SELP: variants seen among roughly 807,000 people sequenced by gnomAD.
The protein encoded by SELP is selectin P.
In SELP, 92 loss-of-function variants were observed where a neutral mutation model predicts 104.1. The ratio of observed to expected loss-of-function variants is 0.88; its 90% CI spans 0.75 to 1.05. The LOEUF (loss-of-function observed/expected upper bound fraction) is 1.05. Ranked by LOEUF, SELP falls within the 50% of genes least tolerant of loss-of-function variation. The pLI is 0.00. For synonymous variants in SELP, 397 were observed against 364.5 expected, an observed-to-expected ratio of 1.09 and a Z score of -1.01; for missense variants, 1,022 against 1,017.3, an observed-to-expected ratio of 1.00 and a Z score of -0.06.
intron 2 of SELP, among the ~76,000 whole-genome samples, chr1:169,618,909 C>G (rs3917864): frequency 4.5e-3 from 678 of 152,292 alleles, no homozygotes; most frequent in Non-Finnish European, 6.7e-3. Context: ...TCTACTGTGC[C>G]TAATGGATAC....
Position 169,630,078 on chromosome 1 carries a change from C to A in SELP, c.-4G>T. ...CAGAAAAAAATAAACTCACCATCTCCTCTGTGACTCTGCTGGTTTTCTGCC... is the reference window on the plus strand; with the variant it reads ...CAGAAAAAAATAAACTCACCATCTCATCTGTGACTCTGCTGGTTTTCTGCC... On this transcript the variant is annotated 5_prime_UTR_variant, in exon 1 of 17. In the 5' UTR this introduces an upstream ATG that the reference lacks. Coordinates refer to ENST00000263686, the MANE Select transcript of SELP (RefSeq NM_003005.4). 1 of 1,614,198 alleles carries A rather than the reference C, an allele frequency of 6.2e-7. No homozygotes were observed. Among genetic ancestry groups the A allele is most frequent in the Non-Finnish European group, 8.5e-7 (1 of 1,180,004 alleles).
chr1:169,621,159 G>T (rs1205733511), intron 1 of SELP, among the ~76,000 whole-genome samples: 1 of 147,326 alleles, frequency 6.8e-6, no homozygotes, highest in Non-Finnish European at 1.5e-5. Flanking sequence ...ATGGGACTGT[G>T]TGGGGTTGTG....
rs1204727196 is a variant in SELP at position 169,617,201 on chromosome 1, C to T, written c.308G>A (p.Trp103Ter). 1 of 1,614,128 alleles carries T rather than the reference C, an allele frequency of 6.2e-7. No individual in the cohort carries two copies. Among genetic ancestry groups the T allele is most frequent in the South Asian group, 1.1e-5 (1 of 91,076 alleles). The change falls in exon 3 of 17, where the codon TGG becomes TAG. Residue 103 changes from tryptophan (W) to a stop codon, truncating the protein, a stop_gained. Coordinates refer to ENST00000263686, the MANE Select transcript of SELP (RefSeq NM_003005.4). LOFTEE classifies it high-confidence loss of function. ...GIRKNNKTWT[W>*]VGTKKALTNE... is the part of the protein sequence containing the mutation. ...GGTGAGAGCCTTTTTGGTTCCCACC[C>T]ATGTCCATGTCTTATTGTTCTTTCG...
At chr1:169,614,932 T>C (rs1410774688) in intron 3 of SELP, among the ~76,000 whole-genome samples, 1 of 152,186 alleles carries the variant, frequency 6.6e-6, no homozygotes, top group East Asian at 1.9e-4. Flanking sequence ...TAGCAACCCC[T>C]GCCTGCCCTA....
intron 5 of SELP, 41 bp from the exon 6 acceptor site, chr1:169,612,443 A>G: frequency 6.3e-7 from 1 of 1,599,488 alleles, no homozygotes; most frequent in Non-Finnish European, 8.6e-7. Context: ...TCCTTGGACA[A>G]ATTTTGTCCA....
intron 9 of SELP, among the ~76,000 whole-genome samples, chr1:169,606,332 A>G (rs1364591076): frequency 3.3e-5 from 5 of 152,232 alleles, no homozygotes; most frequent in Non-Finnish European, 5.9e-5. Flanking sequence ...ATGTATGTAT[A>G]TCAAGTACAA....
chr1:169,609,777 G>T, intron 7 of SELP, 88 bp from the exon 8 acceptor site: 1 of 1,255,422 alleles, frequency 8.0e-7, no homozygotes, highest in Non-Finnish European at 1.1e-6. Context: ...TATCTTTCCT[G>T]TCCACATTTT....
At chr1:169,599,989 A>G (rs1661818278) in intron 10 of SELP, among the ~76,000 whole-genome samples, 1 of 152,212 alleles carries the variant, frequency 6.6e-6, no homozygotes, top group South Asian at 2.1e-4. Flanking sequence ...AGCAGTCTGT[A>G]TCATGAAAGT....
Position 169,606,951 on chromosome 1 carries a change from T to C in SELP, c.1517A>G (p.Gln506Arg). Residue 506 changes from glutamine (Q) to arginine (R), a missense_variant and splice_region_variant, in exon 9 of 17, where the codon CAA (glutamine) becomes CGA (arginine). Transcript: ENST00000263686. ...TGTTAGAAAGAATACACTCTTACCT[T>C]GGCATTCTGGAGGAACAGAATTCCA... ...GNWNSVPPEC[Q>R]AIPCTPLLSP... 1 of 1,612,744 alleles carries C rather than the reference T, an allele frequency of 6.2e-7. No individual in the cohort carries two copies. The highest frequency in any genetic ancestry group is 1.1e-5 in the South Asian group (1 of 90,934).
rs6129 is a variant in SELP, at chr1:169,617,092, C to T, written c.417G>A (p.Pro139=). 0.01 allele frequency: 16,831 copies of T among 1,613,744 alleles called. 225 individuals carry two copies. Among genetic ancestry groups the T allele is most frequent in the African/African-American group, 0.067 (5,004 of 74,896 alleles). Reference sequence around the variant, plus strand: ...CATCATTCCACTTGCCAGGGGCTGACGGACTCTTGATGTATATCTCCACGC... The same window carrying T: ...CATCATTCCACTTGCCAGGGGCTGATGGACTCTTGATGTATATCTCCACGC... The part of the protein sequence containing the change: ...EDCVEIYIKS[P]SAPGKWNDEH... The change falls in exon 3 of 17, where the codon CCG becomes CCA. Residue 139 remains proline (P), a synonymous_variant. Coordinates refer to ENST00000263686, the MANE Select transcript of SELP (RefSeq NM_003005.4).
At chr1:169,598,384 C>A (rs1661734878) in intron 10 of SELP, among the ~76,000 whole-genome samples, 1 of 152,140 alleles carries the variant, frequency 6.6e-6, no homozygotes, top group African/African-American at 2.4e-5. Flanking sequence ...CCTATATGCT[C>A]CCTCATGGAA....
At chr1:169,617,448 C>T in intron 2 of SELP, 34 bp from the exon 3 acceptor site, 3 of 1,589,660 alleles carry the variant, frequency 1.9e-6, no homozygotes, top group Non-Finnish European at 8.6e-7. Flanking sequence ...CAGGTTAGTA[C>T]CCCTCACCAA....
At chr1:169,619,330 T>A in intron 1 of SELP, 111 bp from the exon 2 acceptor site, 2 of 782,494 alleles carry the variant, frequency 2.6e-6, no homozygotes, top group Non-Finnish European at 4.2e-6. Context: ...CAATTTCCAC[T>A]GGAAGAGTGG....
chr1:169,627,258 A>G (rs918573743), intron 1 of SELP, among the ~76,000 whole-genome samples: 2 of 152,234 alleles, frequency 1.3e-5, no homozygotes, highest in Non-Finnish European at 2.9e-5. Context: ...AGATATTGGT[A>G]GCCCAGCTTA....
At chr1:169,612,109 AT>A in intron 6 of SELP, 107 bp downstream of exon 6, 1 of 1,098,942 alleles carries the variant, frequency 9.1e-7, no homozygotes, top group Non-Finnish European at 1.3e-6. Flanking sequence ...AGAGAATTAA[AT>A]TTTGGCAATT....
At chr1:169,619,753 T>A (rs540639352) in intron 1 of SELP, among the ~76,000 whole-genome samples, 1 of 152,300 alleles carries the variant, frequency 6.6e-6, no homozygotes, top group East Asian at 1.9e-4. Context: ...TCTGTACACA[T>A]CTACAATACT....
At chr1:169,590,324 A>G (rs1217987378) in intron 15 of SELP, 122 bp from the exon 16 acceptor site, 2 of 725,014 alleles carry the variant, frequency 2.8e-6, no homozygotes, top group East Asian at 2.7e-5. Flanking sequence ...TGCTTTAGAA[A>G]GGAAAGAAAA....
Position 169,594,798 on chromosome 1 carries a change from T to C in SELP, c.2181A>G (p.Gly727=), listed in dbSNP as rs1661520177. 1 of 1,613,762 alleles carries C rather than the reference T, an allele frequency of 6.2e-7. No individual in the cohort carries two copies. The highest frequency in any genetic ancestry group is 8.5e-7 in the Non-Finnish European group (1 of 1,179,854). The change falls in exon 13 of 17, where the codon GGA becomes GGG. Residue 727 remains glycine (G), a synonymous_variant. Coordinates refer to ENST00000263686, the MANE Select transcript of SELP (RefSeq NM_003005.4). Reference sequence around the variant, plus strand: ...CTAGACAATGGAAAGAGCAGATTGATCCATAACTGAAGTTTCCCCAGAGGT... The same window carrying C: ...CTAGACAATGGAAAGAGCAGATTGACCCATAACTGAAGTTTCCCCAGAGGT... ...CSNLWGNFSY[G]SICSFHCLEG...
At chr1:169,618,554 T>G (rs1160028713) in intron 2 of SELP, among the ~76,000 whole-genome samples, 1 of 152,238 alleles carries the variant, frequency 6.6e-6, no homozygotes, top group Admixed American at 6.5e-5. Flanking sequence ...GTTTCTTTCC[T>G]GTTTATTTAA....
Sources: allele counts gnomAD v4.1 joint callset (sites outside exome capture counted in the v4.1 genomes callset), GRCh38; gene constraint gnomAD v4.1.1; transcripts MANE v1.5; gene names NCBI Gene and HGNC (gene_info 2026-07-23, HGNC 2026-07-21).